Variants in NME9 observed in about 807,000 individuals in gnomAD.
NME9 encodes the protein thioredoxin domain-containing protein 6.
NME9 carries 48 observed loss-of-function variants against 44.4 expected under a neutral mutation model. The observed-to-expected ratio is 1.08, with a 90% CI of 0.86 to 1.37. NME9 has a LOEUF of 1.37. Among genes scored for constraint, NME9 ranks in the 40% most tolerant of loss-of-function variants. The pLI, the probability that NME9 is intolerant of heterozygous loss-of-function variation, is 0.00. For synonymous variants in NME9, 139 were observed against 147.1 expected (o/e 0.94, Z 0.40); for missense variants, 325 against 405.2 (o/e 0.80, Z 1.70).
chr3:138,272,940 T>C (rs774794123), intron 8 of NME9: 1 of 1,493,386 alleles, frequency 6.7e-7, no homozygotes, highest in East Asian at 2.4e-5. Context: ...GTAGACATGA[T>C]TCTTGCAACT....
rs1056182215 is a variant in NME9 at position 138,325,628 on chromosome 3, G to A, written c.34-698C>T. Among the ~76,000 whole-genome samples, 3 of 151,830 alleles carry A rather than the reference G, an allele frequency of 2.0e-5. No individual in the cohort carries two copies. The East Asian group carries it at 5.8e-4, about 29-fold the overall frequency. The stretch of plus-strand genomic sequence containing the variant: ...CCACCATGTTGGCCAGGCTGGTCTC[G>A]AACTCCTGACCTCAAGTGATCTGCC... On this transcript the variant is annotated intron_variant, in intron 1 of 10. Coordinates refer to ENST00000333911, the MANE Select transcript of NME9 (RefSeq NM_001349018.2).
Position 138,303,610 on chromosome 3 carries a change from G to C in NME9, c.825C>G (p.Phe275Leu). 1.9e-6 allele frequency: 3 copies of C among 1,613,970 alleles called. No homozygotes were observed. The highest frequency in any genetic ancestry group is 2.5e-6 in the Non-Finnish European group (3 of 1,179,808). ...LRAQYGTEMP[F>L]NAVHGSRDRE... ...TGTCCCGGCTTCCATGGACGGCATT[G>C]AAGGGCATTTCTGTGCCGTACTGAG... Residue 275 changes from phenylalanine to leucine, a missense_variant, in exon 10 of 11, where the codon TTC (phenylalanine) becomes TTG (leucine). Transcript: ENST00000333911.
At chr3:138,299,700 A>G (rs1326743391), downstream of NME9, among the ~76,000 whole-genome samples, 1 of 152,058 alleles carries the variant, frequency 6.6e-6, no homozygotes, top group African/African-American at 2.4e-5. Flanking sequence ...CCCATCACCT[A>G]GTGCCCCACT....
intron 8 of NME9, chr3:138,289,141 G>A (rs2050707403): frequency 6.3e-7 from 1 of 1,596,294 alleles, no homozygotes. Flanking sequence ...GGTGAGATTT[G>A]TTTTGAAAAA....
intron 2 of NME9, among the ~76,000 whole-genome samples, chr3:138,321,974 GA>G (rs1187792249): frequency 6.6e-6 from 1 of 151,800 alleles, no homozygotes; most frequent in African/African-American, 2.4e-5. Context: ...AGCAGGAGAG[GA>G]GGGGCAGGAG....
At chr3:138,278,399 G>A (rs2049520854) in intron 8 of NME9, among the ~76,000 whole-genome samples, 1 of 151,986 alleles carries the variant, frequency 6.6e-6, no homozygotes, top group Non-Finnish European at 1.5e-5. Context: ...AGCTACTCGG[G>A]AGGCTGAGGC....
chr3:138,261,960 C>G (rs941694471), exon 9 of NME9: 2 of 152,300 alleles, frequency 1.3e-5, no homozygotes, highest in African/African-American at 4.8e-5. Context: ...GAGGTAGCTA[C>G]CATAAGGAAC....
intron 4 of NME9, among the ~76,000 whole-genome samples, chr3:138,317,771 G>A (rs1271190341): frequency 1.3e-5 from 2 of 152,160 alleles, no homozygotes; most frequent in African/African-American, 4.8e-5. Context: ...GAGTATTCAT[G>A]AGCCAAAAAG....
intron 8 of NME9, chr3:138,264,280 A>G: frequency 8.2e-7 from 1 of 1,225,750 alleles, no homozygotes. Context: ...GCTAGCTAAC[A>G]CTACTCCCTG....
chr3:138,318,833 G>A (rs2053273072), intron 3 of NME9, among the ~76,000 whole-genome samples: 2 of 152,262 alleles, frequency 1.3e-5, no homozygotes, highest in South Asian at 4.1e-4. Context: ...TCCCCTTTAT[G>A]GTGCAGAGGA....
rs549119997 is a variant in NME9, at chr3:138,308,377, CA to C, written c.461-1898del. Among the ~76,000 whole-genome samples the C allele has an allele frequency of 5.3e-5, 8 of 152,170 alleles. No individual in the cohort carries two copies. In the East Asian group the frequency reaches 1.2e-3, roughly 22 times the overall value. On this transcript the variant is annotated intron_variant, in intron 6 of 10. Transcript: ENST00000333911. ...TGGTTTTCCCTCATGTCTCAGTTACCACCAAGAGACACCGTCCCAGCAACAG... is the reference window on the plus strand; with the variant it reads ...TGGTTTTCCCTCATGTCTCAGTTACCCCAAGAGACACCGTCCCAGCAACAG...
Position 138,329,286 on chromosome 3 carries a change from C to A in NME9, c.33+17G>T. 6.5e-7 allele frequency: 1 copy of A among 1,534,616 alleles called. No homozygotes were observed. Among genetic ancestry groups the A allele is most frequent in the South Asian group, 1.2e-5 (1 of 84,004 alleles). On this transcript the variant is annotated intron_variant, in intron 1 of 10. Transcript: ENST00000333911. ...AGCCCAACCCAGAGCTGGAAGCTAG[C>A]GCCCCTTGAGGCTTACCTGCAGGGC... is the stretch of plus-strand genomic sequence containing the variant.
At chr3:138,287,560 C>T in intron 8 of NME9, 1 of 452,250 alleles carries the variant, frequency 2.2e-6, no homozygotes, top group South Asian at 1.6e-5. Context: ...TATACAAGCT[C>T]ATTTATTCAA....
At chr3:138,292,984 C>T (rs777987528) in intron 8 of NME9, among the ~76,000 whole-genome samples, 1 of 152,136 alleles carries the variant, frequency 6.6e-6, no homozygotes, top group East Asian at 1.9e-4. Context: ...CTTCAAAACT[C>T]ATATCAGGTT....
chr3:138,281,165 T>A (rs1158438797), intron 8 of NME9, among the ~76,000 whole-genome samples: 1 of 152,180 alleles, frequency 6.6e-6, no homozygotes, highest in Non-Finnish European at 1.5e-5. Context: ...TTTCCTTGAT[T>A]TCCAGTTGTT....
chr3:138,262,948 T>C (rs920512830), intron 8 of NME9, among the ~76,000 whole-genome samples: 1 of 152,190 alleles, frequency 6.6e-6, no homozygotes, highest in Non-Finnish European at 1.5e-5. Context: ...GAATAATGCC[T>C]ACAGAAGAGT....
Position 138,309,558 on chromosome 3 carries a change from G to A in NME9, c.461-3078C>T, listed in dbSNP as rs185311835. 5.9e-5 allele frequency among the ~76,000 whole-genome samples: 9 copies of A among 152,070 alleles called. No individual in the cohort carries two copies. The East Asian group carries it at 1.2e-3, about 20-fold the overall frequency. On this transcript the variant is annotated intron_variant, in intron 6 of 10. Coordinates refer to ENST00000333911, the MANE Select transcript of NME9 (RefSeq NM_001349018.2). ...AAATTAGTTGGGCATGGTGGCACAC[G>A]CCTGTAATCCCAGCTACCCAGGAGG... is the stretch of plus-strand genomic sequence containing the variant.
chr3:138,299,740 TCATC>T (rs755621876), downstream of NME9, among the ~76,000 whole-genome samples: 1 of 152,100 alleles, frequency 6.6e-6, no homozygotes, highest in Non-Finnish European at 1.5e-5. Flanking sequence ...CCCAGCTACT[TCATC>T]CATCACTGAC....
intron 8 of NME9, among the ~76,000 whole-genome samples, chr3:138,268,104 G>C (rs2048447485): frequency 6.6e-6 from 1 of 152,040 alleles, no homozygotes; most frequent in Admixed American, 6.6e-5. Context: ...TTAGCCGGGG[G>C]TGGTGGTGCA....
Sources: allele counts gnomAD v4.1 joint callset (sites outside exome capture counted in the v4.1 genomes callset), GRCh38; gene constraint gnomAD v4.1.1; transcripts MANE v1.5; gene names NCBI Gene and HGNC (gene_info 2026-07-23, HGNC 2026-07-21).